Variants in SLC12A7 observed in about 807,000 individuals in gnomAD.
SLC12A7 encodes solute carrier family 12 member 7.
In SLC12A7, 100 loss-of-function variants were observed where a neutral mutation model predicts 120.6. The observed-to-expected ratio is 0.83, with a 90% CI of 0.71 to 0.98. The LOEUF (loss-of-function observed/expected upper bound fraction) is 0.98, where lower values mean the gene tolerates loss of function less well. Among genes scored for constraint, SLC12A7 ranks in the 50% least tolerant of loss-of-function variants. The pLI is 0.00. For synonymous variants in SLC12A7, 760 were observed against 678.0 expected (o/e 1.12, Z -1.88); for missense variants, 1,373 against 1,548.1 (o/e 0.89, Z 1.90).
chr5:1,056,630 GACTT>G lies in SLC12A7; in HGVS notation c.3026+837_3026+840del, dbSNP rs1259909905. 4 of 978,374 alleles carry G rather than the reference GACTT, an allele frequency of 4.1e-6. No homozygotes were observed. The African/African-American group carries it at 7.0e-5, about 17-fold the overall frequency. 60.6% of individuals were successfully genotyped at this position (978,374 alleles called of 1,614,324 possible). On this transcript the variant is annotated intron_variant, in intron 22 of 23. Coordinates refer to ENST00000264930, the MANE Select transcript of SLC12A7 (RefSeq NM_006598.3). ...GAGAAAAAAACAAGAGTGTGTTACT[GACTT>G]CAGGAGAGAGCACCAGGCTGTTCCA...
rs1295349804 is a variant in SLC12A7, at chr5:1,098,164, C to G, written c.125-3916G>C. Among the ~76,000 whole-genome samples, 7 of 132,064 alleles carry G rather than the reference C, an allele frequency of 5.3e-5. No homozygotes were observed. The East Asian group carries it at 1.8e-3, about 35-fold the overall frequency. 86.6% of individuals were successfully genotyped at this position (132,064 alleles called of 152,430 possible). A position where few individuals can be genotyped will look rare whatever the true frequency, so the allele number is the denominator to read the frequency against. Reference sequence around the variant, plus strand: ...CCCCACAACCCTCTGCAAGCCCAGCCCCCCTCTAACCCTCTGCACGCCCAG... The same window carrying G: ...CCCCACAACCCTCTGCAAGCCCAGCGCCCCTCTAACCCTCTGCACGCCCAG... On this transcript the variant is annotated intron_variant, in intron 1 of 23. Coordinates refer to ENST00000264930, the MANE Select transcript of SLC12A7 (RefSeq NM_006598.3).
At chr5:1,128,985 T>A in the SLC12A7 span, among the ~76,000 whole-genome samples, 1 of 152,302 alleles carries the variant, frequency 6.6e-6, no homozygotes, top group Admixed American at 6.5e-5. Context: ...GCTTTCAGCT[T>A]TCCCTGATGG....
At chr5:1,129,573 G>A in the SLC12A7 span, among the ~76,000 whole-genome samples, 2 of 152,188 alleles carry the variant, frequency 1.3e-5, no homozygotes, top group African/African-American at 4.8e-5. Flanking sequence ...GGTGGAGGGC[G>A]GCTCCAGGAG....
In SLC12A7 at chr5:1,053,500, ACGGTCAG is replaced by A. The variant is rs1735276123; in HGVS notation, c.3027-25_3027-19del. 3.1e-6 allele frequency: 5 copies of A among 1,611,736 alleles called. No homozygotes were observed. Among genetic ancestry groups the A allele is most frequent in the Non-Finnish European group, 4.2e-6 (5 of 1,179,048 alleles). ...ACTGGTCCCTGCAGGGGAGGTGGGCACGGTCAGCGGGCGGCGGGTGCACCCCACGCTC... is the reference window on the plus strand; with the variant it reads ...ACTGGTCCCTGCAGGGGAGGTGGGCACGGGCGGCGGGTGCACCCCACGCTC... On this transcript the variant is annotated intron_variant, in intron 22 of 23. Transcript: ENST00000264930.
intron 1 of SLC12A7, among the ~76,000 whole-genome samples, chr5:1,106,984 G>A (rs1008844776): frequency 6.6e-6 from 1 of 152,154 alleles, no homozygotes; most frequent in Non-Finnish European, 1.5e-5. Flanking sequence ...TCACTGCTTC[G>A]CCCACCCTGT....
intron 18 of SLC12A7, 127 bp downstream of exon 18, chr5:1,065,150 GTGGGGA>G: frequency 1.3e-6 from 1 of 762,514 alleles, no homozygotes; most frequent in Non-Finnish European, 2.1e-6. Flanking sequence ...CAAGGGGACA[GTGGGGA>G]CGAAAAGGGG....
rs148909895 is a variant in SLC12A7 at position 1,060,559 on chromosome 5, C to T, written c.2740-108G>A. On this transcript the variant is annotated intron_variant, in intron 20 of 23. Coordinates refer to ENST00000264930, the MANE Select transcript of SLC12A7 (RefSeq NM_006598.3). ...GAGCCGCCCTGAGCGGTGGGAAAGG[C>T]CACGCGTCCCGGGCCCCACAGGCCC... is the stretch of plus-strand genomic sequence containing the variant. The T allele has an allele frequency of 6.0e-3, 4,838 of 802,236 alleles. 24 individuals carry two copies. Among genetic ancestry groups the T allele is most frequent in the Middle Eastern group, 8.3e-3 (34 of 4,080 alleles). The allele number at this position is 802,236 out of a possible 1,614,324, so 49.7% of individuals were successfully genotyped here. A position where few individuals can be genotyped will look rare whatever the true frequency, so the allele number is the denominator to read the frequency against.
At chr5:1,128,107 G>A in the SLC12A7 span, among the ~76,000 whole-genome samples, 1 of 152,232 alleles carries the variant, frequency 6.6e-6, no homozygotes, top group African/African-American at 2.4e-5. Context: ...GTTCACTGAG[G>A]AAACAGATCT....
chr5:1,080,132 G>A (rs1738841578), intron 9 of SLC12A7, among the ~76,000 whole-genome samples: 3 of 151,768 alleles, frequency 2.0e-5, no homozygotes, highest in Admixed American at 6.5e-5. Flanking sequence ...GGAGACACCC[G>A]GAGCCACGCA....
At chr5:1,085,644 C>T (rs1018560050) in intron 6 of SLC12A7, among the ~76,000 whole-genome samples, 171 bp from the exon 7 acceptor site, 7 of 136,832 alleles carry the variant, frequency 5.1e-5, no homozygotes, top group Non-Finnish European at 1.0e-4. Context: ...AGGCAAGGGA[C>T]GGAGCCCGCG....
At chr5:1,150,309 C>A in the SLC12A7 span, among the ~76,000 whole-genome samples, 3 of 149,812 alleles carry the variant, frequency 2.0e-5, no homozygotes, top group African/African-American at 7.4e-5. Context: ...TAGAGCCATG[C>A]AGGAGCCGAC....
chr5:1,066,285 A>G lies in SLC12A7; in HGVS notation c.2242-807T>C, dbSNP rs182271072. ...TAACCACCTCCTCACTTGCACATCT[A>G]CAGACACAGCAGTTTTGTCCAGGAT... On this transcript the variant is annotated intron_variant, in intron 17 of 23. Coordinates refer to ENST00000264930, the MANE Select transcript of SLC12A7 (RefSeq NM_006598.3). 6.1e-3 allele frequency among the ~76,000 whole-genome samples: 922 copies of G among 152,190 alleles called. 5 individuals are homozygous for G. Among genetic ancestry groups the G allele is most frequent in the Non-Finnish European group, 9.2e-3 (628 of 68,020 alleles).
intron 6 of SLC12A7, among the ~76,000 whole-genome samples, chr5:1,086,175 T>C (rs1739845199): frequency 6.6e-6 from 1 of 152,122 alleles, no homozygotes; most frequent in African/African-American, 2.4e-5. Flanking sequence ...GCGACCCCAC[T>C]GAAAGGTTTC....
At chr5:1,058,547 T>A (rs1362540635) in intron 21 of SLC12A7, among the ~76,000 whole-genome samples, 2 of 152,072 alleles carry the variant, frequency 1.3e-5, no homozygotes, top group Admixed American at 1.3e-4. Flanking sequence ...AGCCCCGGGG[T>A]GATTTTAAAA....
At chr5:1,094,695 T>G (rs1191584542) in intron 1 of SLC12A7, among the ~76,000 whole-genome samples, 1 of 152,190 alleles carries the variant, frequency 6.6e-6, no homozygotes, top group Non-Finnish European at 1.5e-5. Flanking sequence ...AAATTCTCAC[T>G]CTTAAAAGTC....
intron 9 of SLC12A7, among the ~76,000 whole-genome samples, chr5:1,080,397 C>T (rs1738909971): frequency 6.6e-6 from 1 of 152,214 alleles, no homozygotes; most frequent in Non-Finnish European, 1.5e-5. Flanking sequence ...GAGAGGACCC[C>T]CGGCAGATCA....
chr5:1,145,255 C>T, the SLC12A7 span, among the ~76,000 whole-genome samples: 5 of 152,256 alleles, frequency 3.3e-5, no homozygotes, highest in African/African-American at 1.2e-4. This position sits in a 1 kb window ranked among gnomAD's most constrained non-coding sequence, Gnocchi z 4.4. Context: ...GGAAGACCAG[C>T]GAGGGCTCAT....
At position 1,073,744 on chromosome 5, in the gene SLC12A7, G is replaced by A. The variant is rs140492181; in HGVS notation, c.2130C>T (p.Arg710=). 2,560 of 1,563,288 alleles carry A rather than the reference G, an allele frequency of 1.6e-3. 3 individuals carry two copies. Among genetic ancestry groups the A allele is most frequent in the Non-Finnish European group, 2.1e-3 (2,413 of 1,152,010 alleles). ...TCAGCTGCGACGTGAAGGACAGCAG[G>A]CGGGGGTGCTTCACGGCCTGCTCCG... is the stretch of plus-strand genomic sequence containing the variant. ...LDAEQAVKHP[R]LLSFTSQLKA... is the part of the protein sequence containing the mutation. The change falls in exon 17 of 24, where the codon CGC becomes CGT. Residue 710 remains arginine (R), a synonymous_variant. Transcript: ENST00000264930.
intron 3 of SLC12A7, among the ~76,000 whole-genome samples, chr5:1,092,624 GCTCGGGGCTGA>G (rs1740647476): frequency 1.3e-5 from 2 of 152,200 alleles, no homozygotes; most frequent in African/African-American, 4.8e-5. Context: ...GGGGGCACAG[GCTCGGGGCTGA>G]CTCGGGAAAT....
Sources: gnomAD v4.1 joint callset for allele counts (sites outside exome capture counted in the v4.1 genomes callset) on GRCh38, gnomAD v4.1.1 for gene constraint, Gnocchi (gnomAD v3.1) non-coding constraint, MANE v1.5 for transcripts, NCBI Gene and HGNC (gene_info 2026-07-23, HGNC 2026-07-21) for gene names.